AKAP6: variants seen among roughly 807,000 people sequenced by gnomAD.
The protein encoded by AKAP6 is A-kinase anchoring protein 6.
A neutral mutation model predicts 188.5 loss-of-function variants in AKAP6; 58 were observed. That is an observed-to-expected ratio of 0.31 (90% CI 0.25 to 0.38). AKAP6 has a LOEUF of 0.38. Among genes scored for constraint, AKAP6 ranks in the 10% least tolerant of loss-of-function variants. The pLI, the probability that AKAP6 is intolerant of heterozygous loss-of-function variation, is 1.00. For missense variants in AKAP6, 2,710 were observed against 2,740.0 expected (o/e 0.99, Z 0.24); for synonymous variants, 989 against 998.6 (o/e 0.99, Z 0.18).
chr14:32,546,398 G>C lies in AKAP6; in HGVS notation c.1745G>C (p.Ser582Thr), dbSNP rs746647547. Residue 582 changes from serine to threonine, a missense_variant, in exon 4 of 14, where the codon AGT becomes ACT. Physicochemically the swap from Ser to Thr is moderately conservative, Grantham distance 58. Around this residue, in one of 2 missense-constraint regions of AKAP6, gnomAD observed 2,473 missense variants for 2,426.1 expected, o/e 1.02. Transcript: ENST00000280979. Reference protein sequence around the residue: ...TSSSPAFTQSSESSVGSDNIM... With the variant: ...TSSSPAFTQSTESSVGSDNIM... ...AGTTCACCAGCTTTTACTCAGAGCA[G>C]TGAATCCTCTGTTGGCTCAGACAAC... 23 of 1,614,080 alleles carry C rather than the reference G, an allele frequency of 1.4e-5. No individual in the cohort carries two copies. Among genetic ancestry groups the C allele is most frequent in the Non-Finnish European group, 1.9e-5 (22 of 1,180,036 alleles).
intron 1 of AKAP6, chr14:32,373,672 T>C (rs1888077552): frequency 6.6e-6 from 1 of 152,198 alleles, no homozygotes; most frequent in African/African-American, 2.4e-5. Flanking sequence ...AAACTAAGTT[T>C]CTCCCGAAGT....
chr14:32,764,202 T>G (rs2032632625), intron 11 of AKAP6, among the ~76,000 whole-genome samples: 1 of 152,216 alleles, frequency 6.6e-6, no homozygotes, highest in Non-Finnish European at 1.5e-5. Flanking sequence ...AGGTTTTGTC[T>G]GTTTTGTTCA....
At chr14:32,449,355 A>G (rs1890856730) in intron 2 of AKAP6, among the ~76,000 whole-genome samples, 1 of 151,846 alleles carries the variant, frequency 6.6e-6, no homozygotes, top group East Asian at 1.9e-4. Context: ...TAAAAATACA[A>G]AACAAACAAA....
chr14:32,648,697 A>T (rs1445933444), intron 7 of AKAP6, among the ~76,000 whole-genome samples: 2 of 152,152 alleles, frequency 1.3e-5, no homozygotes, highest in African/African-American at 4.8e-5. Flanking sequence ...TTGGAAAAGC[A>T]TACTCTGTGT....
At position 32,568,542 on chromosome 14, in the gene AKAP6, G is replaced by A. The variant is rs72667948; in HGVS notation, c.2347-8578G>A. Among the ~76,000 whole-genome samples the A allele has an allele frequency of 2.3e-3, 356 of 152,190 alleles. 1 individual carries two copies. Among genetic ancestry groups the A allele is most frequent in the Non-Finnish European group, 4.5e-3 (305 of 67,986 alleles). ...TTATGAGTATCTCAGGTGCTCATTT[G>A]AGACTTAAAGGCAGATAAAGATGAT... is the stretch of plus-strand genomic sequence containing the variant. On this transcript the variant is annotated intron_variant, in intron 4 of 13. Coordinates refer to ENST00000280979, the MANE Select transcript of AKAP6 (RefSeq NM_004274.5). This position sits in a 1 kb window ranked among gnomAD's most constrained non-coding sequence, Gnocchi z 6.2.
intron 9 of AKAP6, among the ~76,000 whole-genome samples, chr14:32,729,468 T>A (rs983893898): frequency 1.3e-5 from 2 of 152,170 alleles, no homozygotes; most frequent in African/African-American, 4.8e-5. Context: ...TTTCTACAAC[T>A]TCTTTAGTTC....
At chr14:32,562,438 A>G (rs1020510810) in intron 4 of AKAP6, among the ~76,000 whole-genome samples, 1 of 152,202 alleles carries the variant, frequency 6.6e-6, no homozygotes, top group Non-Finnish European at 1.5e-5. Flanking sequence ...TCTATAGCAT[A>G]GAGAAGACTA....
chr14:32,835,572 ACAGT>A lies in AKAP6; in HGVS notation c.*5772_*5775del, dbSNP rs1474307126. On this transcript the variant is annotated 3_prime_UTR_variant, in exon 14 of 14. Coordinates refer to ENST00000280979, the MANE Select transcript of AKAP6 (RefSeq NM_004274.5). Reference sequence around the variant, plus strand: ...CGAGGAATTAAATTCAGGCCATTTCACAGTCAGTTTTTTTCAAATTCATTTTTCA... The same window carrying A: ...CGAGGAATTAAATTCAGGCCATTTCACAGTTTTTTTCAAATTCATTTTTCA... The A allele has an allele frequency of 1.3e-5, 2 of 152,188 alleles. No homozygotes were observed. The highest frequency in any genetic ancestry group is 4.8e-5 in the African/African-American group (2 of 41,456). 9.4% of individuals were successfully genotyped at this position (152,188 alleles called of 1,614,324 possible). A position where few individuals can be genotyped will look rare whatever the true frequency, so the allele number is the denominator to read the frequency against.
At chr14:32,689,927 A>G (rs1451210177) in intron 8 of AKAP6, among the ~76,000 whole-genome samples, 2 of 152,114 alleles carry the variant, frequency 1.3e-5, no homozygotes, top group Non-Finnish European at 2.9e-5. Context: ...GAAGGAATCA[A>G]TATGCTAAAG....
At chr14:32,390,113 CT>C (rs1376970571) in intron 1 of AKAP6, among the ~76,000 whole-genome samples, 1 of 152,050 alleles carries the variant, frequency 6.6e-6, no homozygotes, top group Non-Finnish European at 1.5e-5. Flanking sequence ...CTCTGAATTT[CT>C]TTCTTCCTCT....
intron 11 of AKAP6, among the ~76,000 whole-genome samples, chr14:32,749,479 G>C (rs2032041964): frequency 6.6e-6 from 1 of 152,140 alleles, no homozygotes. Context: ...GCACACGGTA[G>C]CAGTCTTTCT....
intron 6 of AKAP6, among the ~76,000 whole-genome samples, chr14:32,600,408 C>T (rs918769015): frequency 6.6e-6 from 1 of 152,046 alleles, no homozygotes; most frequent in Non-Finnish European, 1.5e-5. Context: ...AGTTTCCAAG[C>T]CAGTCATCTA....
At chr14:32,800,224 A>G (rs1328901650) in intron 12 of AKAP6, among the ~76,000 whole-genome samples, 1 of 148,840 alleles carries the variant, frequency 6.7e-6, no homozygotes, top group Non-Finnish European at 1.5e-5. Context: ...ATCTATATAT[A>G]CATATACAAA....
intron 11 of AKAP6, among the ~76,000 whole-genome samples, chr14:32,746,848 T>G (rs1443244399): frequency 6.6e-6 from 1 of 152,160 alleles, no homozygotes; most frequent in Non-Finnish European, 1.5e-5. Flanking sequence ...TGTTCCTTAT[T>G]CCATTCTGAA....
intron 12 of AKAP6, among the ~76,000 whole-genome samples, chr14:32,789,852 G>C (rs540735409): frequency 6.6e-6 from 1 of 152,284 alleles, no homozygotes; most frequent in African/African-American, 2.4e-5. Flanking sequence ...CAAGGGCACA[G>C]AACTGGGTTG....
intron 2 of AKAP6, among the ~76,000 whole-genome samples, chr14:32,472,702 G>A (rs111550312): frequency 4.6e-5 from 7 of 152,208 alleles, no homozygotes; most frequent in African/African-American, 1.7e-4. Context: ...CCAACTGTTG[G>A]GCTCATTGTG....
At chr14:32,396,192 C>T (rs1888872788) in intron 1 of AKAP6, among the ~76,000 whole-genome samples, 1 of 152,082 alleles carries the variant, frequency 6.6e-6, no homozygotes, top group South Asian at 2.1e-4. Flanking sequence ...CTTGAGTTTG[C>T]TTGTGAAATA....
At chr14:32,600,928 T>A in intron 7 of AKAP6, 136 bp downstream of exon 7, 1 of 691,082 alleles carries the variant, frequency 1.4e-6, no homozygotes, top group Non-Finnish European at 2.1e-6. Context: ...TATATATATA[T>A]AAACAAAATG....
chr14:32,553,855 GAATA>G (rs1053484182), intron 4 of AKAP6, among the ~76,000 whole-genome samples: 17 of 152,318 alleles, frequency 1.1e-4, no homozygotes, highest in African/African-American at 3.8e-4. Context: ...CCCATTGTGT[GAATA>G]AATTACTAGA....
Sources: gnomAD v4.1 joint callset for allele counts (sites outside exome capture counted in the v4.1 genomes callset) on GRCh38, gnomAD v4.1.1 for gene constraint, gnomAD v4.1.1 regional missense constraint, Gnocchi (gnomAD v3.1) non-coding constraint, MANE v1.5 for transcripts, NCBI Gene and HGNC (gene_info 2026-07-23, HGNC 2026-07-21) for gene names.